LDLRAD3: variants seen among roughly 807,000 people sequenced by gnomAD.
LDLRAD3 encodes low density lipoprotein receptor class A domain containing 3.
LDLRAD3 carries 20 observed loss-of-function variants against 29.4 expected under a neutral mutation model. The ratio of observed to expected loss-of-function variants is 0.68; its 90% CI spans 0.48 to 0.99. The LOEUF is 0.99. Among genes scored for constraint, LDLRAD3 ranks in the 50% least tolerant of loss-of-function variants. The pLI is 0.00. For synonymous variants in LDLRAD3, 157 were observed against 192.7 expected (o/e 0.81, Z 1.53); for missense variants, 420 against 454.3 (o/e 0.92, Z 0.69).
At chr11:36,014,971 A>C (rs1274384156) in intron 1 of LDLRAD3, among the ~76,000 whole-genome samples, 1 of 152,250 alleles carries the variant, frequency 6.6e-6, no homozygotes, top group African/African-American at 2.4e-5. Flanking sequence ...ATAACCAAGA[A>C]TAATCCCAGA....
intron 4 of LDLRAD3, among the ~76,000 whole-genome samples, chr11:36,206,562 C>T (rs1460094059): frequency 2.0e-5 from 3 of 151,956 alleles, no homozygotes; most frequent in African/African-American, 4.8e-5. Flanking sequence ...GCTTAGTGGC[C>T]ATTTGAATCT....
chr11:36,063,171 C>T (rs1852732726), intron 2 of LDLRAD3, among the ~76,000 whole-genome samples: 2 of 152,214 alleles, frequency 1.3e-5, no homozygotes, highest in Non-Finnish European at 2.9e-5. Flanking sequence ...CACCCCACTA[C>T]ATCCCCCAGT....
At chr11:36,167,269 T>C (rs1854528463) in intron 4 of LDLRAD3, among the ~76,000 whole-genome samples, 1 of 152,090 alleles carries the variant, frequency 6.6e-6, no homozygotes, top group Admixed American at 6.6e-5. Context: ...CTTCAACTGA[T>C]TGGATGAGGC....
At chr11:36,138,039 C>A (rs1257208283) in intron 4 of LDLRAD3, among the ~76,000 whole-genome samples, 1 of 152,196 alleles carries the variant, frequency 6.6e-6, no homozygotes, top group African/African-American at 2.4e-5. Context: ...GCCCTTTAAT[C>A]TGTTGCATTT....
chr11:36,191,576 C>CTCTCTCTCTA lies in LDLRAD3; in HGVS notation c.455-35508_455-35507insCTCTCTCTAT, dbSNP rs377747518. On this transcript the variant is annotated intron_variant, in intron 4 of 5. Transcript: ENST00000315571. ...TCTCTCTCTCTCTCTCTCTCTCTCTCTATATATATATATATATATATATAC... is the reference window on the plus strand; with the variant it reads ...TCTCTCTCTCTCTCTCTCTCTCTCTCTCTCTCTCTATATATATATATATATATATATATAC... Among the ~76,000 whole-genome samples, 173 of 53,384 alleles carry CTCTCTCTCTA rather than the reference C, an allele frequency of 3.2e-3. 2 individuals are homozygous for CTCTCTCTCTA. The highest frequency in any genetic ancestry group is 6.9e-3 in the East Asian group (11 of 1,586). 35.0% of individuals were successfully genotyped at this position (53,384 alleles called of 152,430 possible). A position where few individuals can be genotyped will look rare whatever the true frequency, so the allele number is the denominator to read the frequency against.
chr11:36,010,602 C>A (rs1851943142), intron 1 of LDLRAD3, among the ~76,000 whole-genome samples: 1 of 152,154 alleles, frequency 6.6e-6, no homozygotes, highest in Non-Finnish European at 1.5e-5. Context: ...AAGTTAAGTC[C>A]AAGTTCTATA....
intron 1 of LDLRAD3, among the ~76,000 whole-genome samples, chr11:35,970,093 G>A (rs942103333): frequency 2.6e-5 from 4 of 152,138 alleles, no homozygotes; most frequent in South Asian, 2.1e-4. Flanking sequence ...TGTGTGCTCC[G>A]GGTACTGTCC....
At chr11:36,104,388 A>T (rs1853496146) in intron 4 of LDLRAD3, among the ~76,000 whole-genome samples, 1 of 152,106 alleles carries the variant, frequency 6.6e-6, no homozygotes, top group South Asian at 2.1e-4. Context: ...AAACTGTGAG[A>T]TCATAAATGT....
intron 1 of LDLRAD3, chr11:35,968,300 C>CA: frequency 2.7e-6 from 1 of 375,762 alleles, no homozygotes. Flanking sequence ...ATGTGAGCAT[C>CA]AAATGCTTAG....
intron 4 of LDLRAD3, among the ~76,000 whole-genome samples, chr11:36,209,353 CTTTTTTTTT>C (rs71044560): frequency 2.9e-5 from 2 of 68,604 alleles, no homozygotes; most frequent in Non-Finnish European, 5.4e-5. Flanking sequence ...AGAAACTGTA[CTTTTTTTTT>C]TTTTTTTTTT....
At chr11:36,220,360 T>C (rs7109078) in intron 4 of LDLRAD3, among the ~76,000 whole-genome samples, 8,784 of 152,096 alleles carry the variant, frequency 0.058, 833 homozygotes, top group African/African-American at 0.19. Context: ...CCAAGAAATA[T>C]GAAAATATAT....
At chr11:35,954,222 C>A (rs1851173456) in intron 1 of LDLRAD3, among the ~76,000 whole-genome samples, 1 of 151,978 alleles carries the variant, frequency 6.6e-6, no homozygotes, top group Non-Finnish European at 1.5e-5. Flanking sequence ...ATAAGCATAC[C>A]AGAACAGTCA....
At chr11:36,109,680 C>T (rs1160781203) in intron 4 of LDLRAD3, among the ~76,000 whole-genome samples, 1 of 152,038 alleles carries the variant, frequency 6.6e-6, no homozygotes, top group South Asian at 2.1e-4. Flanking sequence ...CTACAGAAGT[C>T]GTGCAGGGCA....
chr11:36,165,791 C>T (rs1854504285), intron 4 of LDLRAD3, among the ~76,000 whole-genome samples: 1 of 142,968 alleles, frequency 7.0e-6, no homozygotes, highest in African/African-American at 2.6e-5. Context: ...GACCAAATTA[C>T]AGAAGCAGGG....
chr11:36,061,306 T>G (rs1194630715), intron 2 of LDLRAD3, among the ~76,000 whole-genome samples: 1 of 152,194 alleles, frequency 6.6e-6, no homozygotes, highest in East Asian at 1.9e-4. Flanking sequence ...GTCTGGCTAA[T>G]TTTTGTATTT....
At chr11:36,208,725 A>G (rs1468271780) in intron 4 of LDLRAD3, among the ~76,000 whole-genome samples, 1 of 151,668 alleles carries the variant, frequency 6.6e-6, no homozygotes, top group Non-Finnish European at 1.5e-5. Context: ...TTCCTTATAG[A>G]AAAATTGTAA....
intron 2 of LDLRAD3, among the ~76,000 whole-genome samples, chr11:36,054,993 G>GGATGGATGGATT (rs1565189453): frequency 5.6e-5 from 8 of 142,078 alleles, no homozygotes; most frequent in Non-Finnish European, 9.2e-5. Flanking sequence ...ATGGATGGAT[G>GGATGGATGGATT]GATGGATGCA....
chr11:36,137,149 C>T (rs1268890820), intron 4 of LDLRAD3, among the ~76,000 whole-genome samples: 1 of 152,168 alleles, frequency 6.6e-6, no homozygotes, highest in East Asian at 1.9e-4. Flanking sequence ...ATAACGCAGC[C>T]ATGCTAAGCC....
At chr11:36,127,806 T>C (rs1853859495) in intron 4 of LDLRAD3, among the ~76,000 whole-genome samples, 1 of 152,172 alleles carries the variant, frequency 6.6e-6, no homozygotes, top group Non-Finnish European at 1.5e-5. Context: ...CTTGTAAGAA[T>C]TTGATTCCAA....
Sources: gnomAD v4.1 joint callset for allele counts (sites outside exome capture counted in the v4.1 genomes callset) on GRCh38, gnomAD v4.1.1 for gene constraint, MANE v1.5 for transcripts, NCBI Gene and HGNC (gene_info 2026-07-23, HGNC 2026-07-21) for gene names.